KIAA0825: variants seen among roughly 807,000 people sequenced by gnomAD.
KIAA0825 encodes the protein uncharacterized protein KIAA0825.
A neutral mutation model predicts 147.6 loss-of-function variants in KIAA0825; 119 were observed. The ratio of observed to expected loss-of-function variants is 0.81; its 90% CI spans 0.69 to 0.94. KIAA0825 has a LOEUF of 0.94. Among genes scored for constraint, KIAA0825 ranks in the 40% least tolerant of loss-of-function variants. The probability of loss-of-function intolerance (pLI) is 0.00; values close to 1 mark genes in which losing one functional copy is unlikely to be tolerated. For synonymous variants in KIAA0825, 470 were observed against 518.1 expected (o/e 0.91, Z 1.26); for missense variants, 1,381 against 1,472.7 (o/e 0.94, Z 1.02).
Position 94,556,152 on chromosome 5 carries a change from G to C in KIAA0825, c.-1-19025C>G, listed in dbSNP as rs181179739. Among the ~76,000 whole-genome samples the C allele has an allele frequency of 2.1e-3, 311 of 151,526 alleles. 2 individuals carry two copies. The highest frequency in any genetic ancestry group is 7.3e-3 in the African/African-American group (303 of 41,254). ...ACTGTAACCTCCGCCTCCTGGATTC[G>C]AGCGATTCTCCTGCCTCAGCCTCCC... On this transcript the variant is annotated intron_variant, in intron 2 of 20. Coordinates refer to ENST00000682413, the MANE Select transcript of KIAA0825 (RefSeq NM_001145678.3).
chr5:94,473,475 CACTT>C lies in KIAA0825; in HGVS notation c.1268_1271del (p.Glu423GlyfsTer9). 1 of 1,551,716 alleles carries C rather than the reference CACTT, an allele frequency of 6.4e-7. No individual in the cohort carries two copies. Among genetic ancestry groups the C allele is most frequent in the Non-Finnish European group, 8.7e-7 (1 of 1,147,002 alleles). On this transcript the variant is annotated frameshift_variant, in exon 8 of 21. Coordinates refer to ENST00000682413, the MANE Select transcript of KIAA0825 (RefSeq NM_001145678.3). LOFTEE classifies it high-confidence loss of function. ...CTACGCAGTGCGCCATGGGAAGAGACACTTCTTTAAATGCACTTCTCCAGCCAAA... is the reference window on the plus strand; with the variant it reads ...CTACGCAGTGCGCCATGGGAAGAGACCTTTAAATGCACTTCTCCAGCCAAA...
chr5:94,219,506 C>T (rs896616900), intron 20 of KIAA0825, among the ~76,000 whole-genome samples: 3 of 152,076 alleles, frequency 2.0e-5, no homozygotes, highest in Non-Finnish European at 2.9e-5. Flanking sequence ...AATACAGTTA[C>T]GTACTGCTTA....
At chr5:94,330,050 G>T (rs886841899) in intron 20 of KIAA0825, among the ~76,000 whole-genome samples, 4 of 151,876 alleles carry the variant, frequency 2.6e-5, no homozygotes, top group African/African-American at 7.3e-5. Flanking sequence ...AAAATGTAGT[G>T]TATTTGGGTG....
chr5:94,154,016 C>G lies in KIAA0825; in HGVS notation c.3819G>C (p.Glu1273Asp), dbSNP rs1451652924. 3 of 1,549,198 alleles carry G rather than the reference C, an allele frequency of 1.9e-6. No individual in the cohort carries two copies. The African/African-American group carries it at 4.1e-5, about 21-fold the overall frequency. ...TGCTGTTTTCTGCAGATTACTGTTCCTCTATGTTATCTGAGGCAGAAGAGT... is the reference window on the plus strand; with the variant it reads ...TGCTGTTTTCTGCAGATTACTGTTCGTCTATGTTATCTGAGGCAGAAGAGT... ...PQNSSASDNI[E>D]EQ is the part of the protein sequence containing the mutation. Residue 1273 changes from glutamate to aspartate, a missense_variant, in exon 21 of 21, where the codon GAG becomes GAC. Coordinates refer to ENST00000682413, the MANE Select transcript of KIAA0825 (RefSeq NM_001145678.3).
chr5:94,385,294 CT>C (rs552413207), intron 19 of KIAA0825, among the ~76,000 whole-genome samples: 27 of 152,158 alleles, frequency 1.8e-4, no homozygotes, highest in Non-Finnish European at 2.9e-4. Flanking sequence ...GAGCTATCCC[CT>C]GTCACCTGCT....
intron 13 of KIAA0825, 149 bp downstream of exon 13, chr5:94,452,810 A>G (rs1275746423): frequency 4.2e-6 from 2 of 479,108 alleles, no homozygotes; most frequent in Non-Finnish European, 7.4e-6. Context: ...GAAAAGAGAA[A>G]TAATACTCTT....
intron 2 of KIAA0825, among the ~76,000 whole-genome samples, chr5:94,538,409 T>G (rs1772547617): frequency 6.6e-6 from 1 of 152,216 alleles, no homozygotes; most frequent in Non-Finnish European, 1.5e-5. Context: ...AAATGACTCT[T>G]ACGACATCTG....
intron 20 of KIAA0825, among the ~76,000 whole-genome samples, chr5:94,191,402 A>G (rs1294519660): frequency 3.3e-5 from 5 of 152,198 alleles, no homozygotes; most frequent in Admixed American, 2.6e-4. Context: ...AAATGAAACA[A>G]TTCATCATGC....
intron 20 of KIAA0825, among the ~76,000 whole-genome samples, chr5:94,374,031 A>C (rs1437805018): frequency 6.6e-6 from 1 of 151,962 alleles, no homozygotes; most frequent in African/African-American, 2.4e-5. Flanking sequence ...AACTTTTTGC[A>C]AAAAAAATTA....
intron 20 of KIAA0825, among the ~76,000 whole-genome samples, chr5:94,336,716 A>T (rs998943192): frequency 6.6e-6 from 1 of 152,096 alleles, no homozygotes; most frequent in Non-Finnish European, 1.5e-5. Context: ...GTGCCGCAGT[A>T]AGCATACGTG....
chr5:94,444,448 A>G (rs1757488021), intron 13 of KIAA0825, among the ~76,000 whole-genome samples: 1 of 152,114 alleles, frequency 6.6e-6, no homozygotes. Context: ...TCACCAGGGC[A>G]TCTCTCAATG....
chr5:94,234,398 T>TAA (rs1039697260), intron 20 of KIAA0825, among the ~76,000 whole-genome samples: 1 of 149,968 alleles, frequency 6.7e-6, no homozygotes, highest in Admixed American at 6.6e-5. Flanking sequence ...AAAATAAAAA[T>TAA]AAAAAAATAA....
intron 2 of KIAA0825, among the ~76,000 whole-genome samples, chr5:94,550,827 G>A (rs1370271986): frequency 6.1e-5 from 9 of 148,376 alleles, no homozygotes; most frequent in Non-Finnish European, 1.0e-4. Flanking sequence ...GGGCGACAGA[G>A]CGAGACTCTA....
chr5:94,482,920 A>G lies in KIAA0825; in HGVS notation c.1132+1849T>C, dbSNP rs565086318. On this transcript the variant is annotated intron_variant, in intron 6 of 20. Transcript: ENST00000682413. ...TTCACTATTATTAACATGATATTGAAGTTGCTTTTATCTGCCTTACTGCTT... is the reference window on the plus strand; with the variant it reads ...TTCACTATTATTAACATGATATTGAGGTTGCTTTTATCTGCCTTACTGCTT... 2.8e-4 allele frequency among the ~76,000 whole-genome samples: 43 copies of G among 152,106 alleles called. No homozygotes were observed. The South Asian group carries it at 8.7e-3, about 31-fold the overall frequency.
At chr5:94,228,724 C>G (rs1774425114) in intron 20 of KIAA0825, among the ~76,000 whole-genome samples, 1 of 152,178 alleles carries the variant, frequency 6.6e-6, no homozygotes, top group Non-Finnish European at 1.5e-5. Flanking sequence ...CACTGTCTGC[C>G]ACAGTAACCA....
chr5:94,564,120 C>T (rs865834240), intron 2 of KIAA0825, among the ~76,000 whole-genome samples: 1 of 152,118 alleles, frequency 6.6e-6, no homozygotes, highest in East Asian at 1.9e-4. Context: ...AAAGGCTAAT[C>T]CATTGGCTCT....
chr5:94,519,345 T>C (rs1767740470), intron 5 of KIAA0825: 2 of 895,256 alleles, frequency 2.2e-6, no homozygotes, highest in Non-Finnish European at 2.7e-6. Flanking sequence ...TTAAGCCATA[T>C]AGTTTATGAA....
chr5:94,537,129 T>G lies in KIAA0825; in HGVS notation c.-1-2A>C. 3 of 1,602,142 alleles carry G rather than the reference T, an allele frequency of 1.9e-6. No homozygotes were observed. Among genetic ancestry groups the G allele is most frequent in the Non-Finnish European group, 2.6e-6 (3 of 1,175,040 alleles). ...GAATATTCATCATCCCAATCCATTC[T>G]GAGGAGCAAGAATAAATAATAAAAC... On this transcript the variant is annotated splice_acceptor_variant, in intron 2 of 20. Coordinates refer to ENST00000682413, the MANE Select transcript of KIAA0825 (RefSeq NM_001145678.3). LOFTEE classifies it low-confidence loss of function (5UTR_SPLICE).
rs1052265982 is a variant in KIAA0825 at position 94,255,049 on chromosome 5, AT to A, written c.3711-100926del. 6.6e-5 allele frequency among the ~76,000 whole-genome samples: 10 copies of A among 151,170 alleles called. 1 individual carries two copies. The highest frequency in any genetic ancestry group is 1.5e-4 in the African/African-American group (6 of 41,196). On this transcript the variant is annotated intron_variant, in intron 20 of 20. Coordinates refer to ENST00000682413, the MANE Select transcript of KIAA0825 (RefSeq NM_001145678.3). ...GTGCTACCTCATATTGTTATTAATC[AT>A]TTTTTTTGCATAGTCTAACTTCCTA...
Sources: gnomAD v4.1 joint callset for allele counts (sites outside exome capture counted in the v4.1 genomes callset) on GRCh38, gnomAD v4.1.1 for gene constraint, MANE v1.5 for transcripts, NCBI Gene and HGNC (gene_info 2026-07-23, HGNC 2026-07-21) for gene names.